Variants in SEMA3C observed in about 807,000 individuals in gnomAD.
The protein encoded by SEMA3C is semaphorin-3C.
SEMA3C carries 47 observed loss-of-function variants against 89.4 expected under a neutral mutation model. The observed-to-expected ratio is 0.53, with a 90% CI of 0.42 to 0.67. The LOEUF is 0.67. SEMA3C is among the 30% of genes least tolerant of loss of function. The pLI, the probability that SEMA3C is intolerant of heterozygous loss-of-function variation, is 0.00. For missense variants in SEMA3C, 839 were observed against 929.1 expected (o/e 0.90, Z 1.26); for synonymous variants, 310 against 320.2 (o/e 0.97, Z 0.34).
Position 80,754,771 on chromosome 7 carries a change from TTTG to T in SEMA3C, c.1644-3438_1644-3436del, listed in dbSNP as rs201627732. Reference sequence around the variant, plus strand: ...CTGCTGGAGATAATCAAGATAGCTGTTTGTTGTTGTTGTTGTTGTTGTTTTAGA... The same window carrying T: ...CTGCTGGAGATAATCAAGATAGCTGTTTGTTGTTGTTGTTGTTGTTTTAGA... On this transcript the variant is annotated intron_variant, in intron 15 of 17. Coordinates refer to ENST00000265361, the MANE Select transcript of SEMA3C (RefSeq NM_006379.5). Among the ~76,000 whole-genome samples the T allele has an allele frequency of 1.0e-3, 151 of 151,148 alleles. 1 individual carries two copies. Among genetic ancestry groups the T allele is most frequent in the African/African-American group, 3.2e-3 (133 of 41,232 alleles).
At chr7:80,764,219 G>T (rs1024342277) in intron 13 of SEMA3C, among the ~76,000 whole-genome samples, 16 of 152,132 alleles carry the variant, frequency 1.1e-4, no homozygotes, top group African/African-American at 3.9e-4. Flanking sequence ...GTCTGCTACT[G>T]GGAGTTCTCA....
At chr7:80,763,207 G>A (rs2117056346) in intron 13 of SEMA3C, among the ~76,000 whole-genome samples, 1 of 152,284 alleles carries the variant, frequency 6.6e-6, no homozygotes, top group Admixed American at 6.5e-5. Flanking sequence ...AAAGCTCCTG[G>A]TTTTTCAAAG....
intron 2 of SEMA3C, among the ~76,000 whole-genome samples, chr7:80,890,686 G>T (rs1191910544): frequency 6.6e-6 from 1 of 152,046 alleles, no homozygotes; most frequent in Non-Finnish European, 1.5e-5. Flanking sequence ...GAAGAACGAA[G>T]AGCTCATGTC....
chr7:80,768,823 T>G (rs937500346), intron 12 of SEMA3C, among the ~76,000 whole-genome samples: 2 of 152,140 alleles, frequency 1.3e-5, no homozygotes, highest in East Asian at 3.9e-4. Flanking sequence ...ACCACAGGCA[T>G]GTGTGTGCAT....
chr7:80,769,848 G>A (rs1788386243), intron 12 of SEMA3C, among the ~76,000 whole-genome samples: 1 of 98,760 alleles, frequency 1.0e-5, no homozygotes. Context: ...GATAGAGCAA[G>A]ACTCTGTCCC....
In SEMA3C at chr7:80,810,760, G is replaced by A. The variant is rs1024130531; in HGVS notation, c.448-59C>T. The A allele has an allele frequency of 9.4e-6, 12 of 1,280,452 alleles. No individual in the cohort carries two copies. In the African/African-American group the frequency reaches 1.0e-4, roughly 11 times the overall value. The allele number at this position is 1,280,452 out of a possible 1,614,324, so 79.3% of individuals were successfully genotyped here. On this transcript the variant is annotated intron_variant, in intron 5 of 17. Coordinates refer to ENST00000265361, the MANE Select transcript of SEMA3C (RefSeq NM_006379.5). ...GATAACTTATTTAGTGAAGACAATT[G>A]TTCATTAGTAAAACAAAGCATCATT... is the stretch of plus-strand genomic sequence containing the variant.
intron 2 of SEMA3C, among the ~76,000 whole-genome samples, chr7:80,904,328 G>A (rs1448272157): frequency 1.3e-5 from 2 of 152,078 alleles, no homozygotes; most frequent in African/African-American, 4.8e-5. Context: ...GGCATGAGCC[G>A]TCACACCTGG....
At chr7:80,841,269 T>C (rs918081765) in intron 2 of SEMA3C, among the ~76,000 whole-genome samples, 15 of 152,134 alleles carry the variant, frequency 9.9e-5, no homozygotes, top group African/African-American at 3.1e-4. Flanking sequence ...ATTAAGTGAG[T>C]AAAGCAGAAT....
intron 2 of SEMA3C, among the ~76,000 whole-genome samples, chr7:80,892,235 C>T (rs1791632463): frequency 1.3e-5 from 2 of 152,028 alleles, no homozygotes; most frequent in South Asian, 2.1e-4. Flanking sequence ...GACATTTATC[C>T]TGCAGTTCTC....
chr7:80,861,344 T>C (rs1790766618), intron 2 of SEMA3C, among the ~76,000 whole-genome samples: 1 of 152,156 alleles, frequency 6.6e-6, no homozygotes, highest in Non-Finnish European at 1.5e-5. Flanking sequence ...TTATAATATA[T>C]AATATGTTTC....
intron 2 of SEMA3C, among the ~76,000 whole-genome samples, chr7:80,913,450 A>C (rs937477138): frequency 2.0e-5 from 3 of 152,206 alleles, no homozygotes; most frequent in Non-Finnish European, 4.4e-5. Flanking sequence ...TCTAGTGCTT[A>C]GTCATAAAAT....
intron 2 of SEMA3C, among the ~76,000 whole-genome samples, chr7:80,901,805 C>A (rs1390322279): frequency 6.6e-6 from 1 of 152,156 alleles, no homozygotes; most frequent in Non-Finnish European, 1.5e-5. Context: ...GTATATTGTA[C>A]ATTATAAGGT....
upstream of SEMA3C, chr7:80,919,390 T>A (rs1792364864): frequency 1.0e-6 from 1 of 985,118 alleles, no homozygotes; most frequent in South Asian, 4.7e-5. Context: ...GCTCCACGGT[T>A]TTTGTTGCCG....
chr7:80,906,500 G>T (rs1792018862), intron 2 of SEMA3C, among the ~76,000 whole-genome samples: 1 of 151,806 alleles, frequency 6.6e-6, no homozygotes, highest in South Asian at 2.1e-4. Flanking sequence ...AATAATTCCA[G>T]ACTAAGCTTG....
chr7:80,909,337 G>A (rs185449967), intron 2 of SEMA3C, among the ~76,000 whole-genome samples: 2 of 152,130 alleles, frequency 1.3e-5, no homozygotes, highest in East Asian at 3.9e-4. Context: ...AACTCCCTGA[G>A]TTTATCTATT....
At chr7:80,856,125 T>A (rs1195366096) in intron 2 of SEMA3C, among the ~76,000 whole-genome samples, 1 of 152,158 alleles carries the variant, frequency 6.6e-6, no homozygotes, top group Non-Finnish European at 1.5e-5. Context: ...TTTTTAAATT[T>A]TTATTATTTT....
At chr7:80,792,435 T>C (rs1056117087) in intron 11 of SEMA3C, among the ~76,000 whole-genome samples, 32 of 152,256 alleles carry the variant, frequency 2.1e-4, no homozygotes, top group African/African-American at 7.2e-4. Flanking sequence ...TTTGCAAGCA[T>C]TCTCGTTTCT....
intron 2 of SEMA3C, among the ~76,000 whole-genome samples, chr7:80,901,700 C>A (rs542675269): frequency 3.9e-5 from 6 of 152,314 alleles, no homozygotes; most frequent in African/African-American, 1.4e-4. Flanking sequence ...ATATCATCTG[C>A]TGTTTCATTT....
At chr7:80,850,743 G>C (rs1790492005) in intron 2 of SEMA3C, among the ~76,000 whole-genome samples, 1 of 152,132 alleles carries the variant, frequency 6.6e-6, no homozygotes, top group African/African-American at 2.4e-5. Context: ...TACTTTTTCT[G>C]TATCTATGCT....
Sources: allele counts gnomAD v4.1 joint callset (sites outside exome capture counted in the v4.1 genomes callset), GRCh38; gene constraint gnomAD v4.1.1; transcripts MANE v1.5; gene names NCBI Gene and HGNC (gene_info 2026-07-23, HGNC 2026-07-21).